MSRB3: variants seen among roughly 807,000 people sequenced by gnomAD.
MSRB3 encodes methionine-R-sulfoxide reductase B3.
A neutral mutation model predicts 21.0 loss-of-function variants in MSRB3; 13 were observed. The observed-to-expected ratio is 0.62, with a 90% CI of 0.40 to 0.98. MSRB3 has a LOEUF of 0.98. Ranked by LOEUF, MSRB3 falls within the 50% of genes least tolerant of loss-of-function variation. MSRB3 has a pLI of 0.00. For missense variants in MSRB3, 199 were observed against 230.3 expected (o/e 0.86, Z 0.88); for synonymous variants, 87 against 88.6 (o/e 0.98, Z 0.10).
chr12:65,353,742 T>A (rs1035523840), intron 4 of MSRB3, among the ~76,000 whole-genome samples: 2 of 152,222 alleles, frequency 1.3e-5, no homozygotes, highest in Non-Finnish European at 2.9e-5. Context: ...GTTAATGTTA[T>A]TATGTGTGAA....
chr12:65,347,575 A>G (rs1876606696), intron 4 of MSRB3, among the ~76,000 whole-genome samples: 2 of 152,106 alleles, frequency 1.3e-5, no homozygotes, highest in Admixed American at 1.3e-4. Flanking sequence ...AATACCCTCT[A>G]TTTCTTTCTC....
intron 5 of MSRB3, among the ~76,000 whole-genome samples, chr12:65,446,693 A>T (rs1016746182): frequency 6.6e-6 from 1 of 151,434 alleles, no homozygotes; most frequent in Non-Finnish European, 1.5e-5. Flanking sequence ...GGAGTGGGGT[A>T]GGGAGCCTTT....
chr12:65,414,819 A>G lies in MSRB3; in HGVS notation c.293-38909A>G, dbSNP rs149648738. Among the ~76,000 whole-genome samples the G allele has an allele frequency of 4.0e-4, 61 of 152,340 alleles. No homozygotes were observed. The South Asian group carries it at 7.9e-3, about 20-fold the overall frequency. ...GAAATATGAAATTGCAGCAATTAAA[A>G]TGAGGAAGATTTCAGGTAGAATAAG... On this transcript the variant is annotated intron_variant, in intron 5 of 6. Transcript: ENST00000308259.
At chr12:65,310,572 A>G (rs1873928979) in intron 2 of MSRB3, among the ~76,000 whole-genome samples, 1 of 152,226 alleles carries the variant, frequency 6.6e-6, no homozygotes, top group Non-Finnish European at 1.5e-5. Context: ...AGTTCTTGTA[A>G]CATTGGTTTG....
chr12:65,412,735 G>T (rs554788256), intron 5 of MSRB3, among the ~76,000 whole-genome samples: 2 of 152,196 alleles, frequency 1.3e-5, no homozygotes, highest in East Asian at 3.9e-4. Flanking sequence ...TTCTCATGCT[G>T]CTATAAAGAA....
chr12:65,446,731 G>GA (rs11316347), intron 5 of MSRB3, among the ~76,000 whole-genome samples: 15 of 150,268 alleles, frequency 1.0e-4, no homozygotes, highest in South Asian at 2.1e-4. Context: ...GTTTTCCCAA[G>GA]AAAAAAAAAA....
chr12:65,352,854 A>G (rs1318309992), intron 4 of MSRB3, among the ~76,000 whole-genome samples: 1 of 151,704 alleles, frequency 6.6e-6, no homozygotes, highest in Non-Finnish European at 1.5e-5. Context: ...GCTCATGGAT[A>G]GGAAGAATCA....
chr12:65,398,983 AG>A (rs1879968507), intron 5 of MSRB3, among the ~76,000 whole-genome samples: 1 of 152,136 alleles, frequency 6.6e-6, no homozygotes, highest in Non-Finnish European at 1.5e-5. Context: ...TTTTGGTACC[AG>A]TACCATGCTG....
chr12:65,313,544 A>T (rs10878259), intron 2 of MSRB3, among the ~76,000 whole-genome samples: 1 of 152,022 alleles, frequency 6.6e-6, no homozygotes, highest in African/African-American at 2.4e-5. Flanking sequence ...TTTTTTGTTA[A>T]GTCTTCTGAA....
At chr12:65,346,031 G>T (rs1369910121) in intron 4 of MSRB3, among the ~76,000 whole-genome samples, 1 of 152,134 alleles carries the variant, frequency 6.6e-6, no homozygotes, top group Non-Finnish European at 1.5e-5. Context: ...TGTGAATAGT[G>T]CCACAGTAAA....
At chr12:65,388,733 T>C (rs545043880) in intron 5 of MSRB3, among the ~76,000 whole-genome samples, 2 of 151,866 alleles carry the variant, frequency 1.3e-5, no homozygotes, top group African/African-American at 2.4e-5. Flanking sequence ...TAGCCAGACA[T>C]GGTGGTGGGT....
chr12:65,413,354 C>T (rs1389943557), intron 5 of MSRB3, among the ~76,000 whole-genome samples: 6 of 152,148 alleles, frequency 3.9e-5, no homozygotes. Flanking sequence ...GTCATAAATA[C>T]TCTTGAGGTC....
intron 1 of MSRB3, chr12:65,282,015 CT>C (rs1872052390): frequency 6.6e-6 from 1 of 152,130 alleles, no homozygotes; most frequent in Non-Finnish European, 1.5e-5. Flanking sequence ...ATGGGTTTTC[CT>C]TTTAAAATGC....
intron 4 of MSRB3, among the ~76,000 whole-genome samples, chr12:65,335,588 CT>C (rs1034274850): frequency 1.8e-4 from 27 of 152,272 alleles, no homozygotes; most frequent in African/African-American, 6.3e-4. Context: ...TCAACATGAA[CT>C]TTTCCCTCTG....
chr12:65,414,026 G>C (rs1728590140), intron 5 of MSRB3, among the ~76,000 whole-genome samples: 1 of 152,150 alleles, frequency 6.6e-6, no homozygotes, highest in Non-Finnish European at 1.5e-5. Flanking sequence ...GTTGAGGGAG[G>C]TGGAGGAGGG....
chr12:65,397,494 T>A (rs1236141842), intron 5 of MSRB3, among the ~76,000 whole-genome samples: 1 of 152,220 alleles, frequency 6.6e-6, no homozygotes, highest in Admixed American at 6.5e-5. Context: ...TCTTTTGTTT[T>A]CCATTATTTT....
chr12:65,463,286 C>T lies in MSRB3; in HGVS notation c.522C>T (p.Val174=), dbSNP rs370488628. The T allele has an allele frequency of 1.6e-5, 26 of 1,613,984 alleles. No homozygotes were observed. The highest frequency in any genetic ancestry group is 6.6e-5 in the South Asian group (6 of 91,068). The change falls in exon 7 of 7, where the codon GTC becomes GTT. Residue 174 remains valine (V), a synonymous_variant. Coordinates refer to ENST00000308259, the MANE Select transcript of MSRB3 (RefSeq NM_001031679.3). The part of the protein sequence containing the change: ...SSGTAEGGSG[V]ASPAQADKAE... ...GCACCGCCGAGGGAGGCAGTGGGGTCGCCAGCCCGGCCCAGGCAGACAAAG... is the reference window on the plus strand; with the variant it reads ...GCACCGCCGAGGGAGGCAGTGGGGTTGCCAGCCCGGCCCAGGCAGACAAAG...
At chr12:65,290,098 C>T (rs1489898206) in intron 1 of MSRB3, among the ~76,000 whole-genome samples, 4 of 151,612 alleles carry the variant, frequency 2.6e-5, no homozygotes, top group African/African-American at 4.8e-5. Flanking sequence ...GTATTTTCTC[C>T]TATTACTTTC....
At chr12:65,335,502 C>T (rs906592040) in intron 4 of MSRB3, among the ~76,000 whole-genome samples, 17 of 152,122 alleles carry the variant, frequency 1.1e-4, no homozygotes, top group African/African-American at 4.1e-4. Context: ...GAGAAAATTC[C>T]AGTCCAGTGC....
Sources: allele counts gnomAD v4.1 joint callset (sites outside exome capture counted in the v4.1 genomes callset), GRCh38; gene constraint gnomAD v4.1.1; transcripts MANE v1.5; gene names NCBI Gene and HGNC (gene_info 2026-07-23, HGNC 2026-07-21).